Variants in CDK8 observed in about 807,000 individuals in gnomAD.
The protein encoded by CDK8 is cyclin-dependent kinase 8.
A neutral mutation model predicts 71.5 loss-of-function variants in CDK8; 29 were observed. That is an observed-to-expected ratio of 0.41 (90% confidence interval 0.30 to 0.55). CDK8 has a LOEUF of 0.55. Ranked by LOEUF, CDK8 falls within the 20% of genes least tolerant of loss-of-function variation. The pLI is 0.37. For synonymous variants in CDK8, 161 were observed against 192.1 expected, an observed-to-expected ratio of 0.84 and a Z score of 1.34; for missense variants, 288 against 572.6, an observed-to-expected ratio of 0.50 and a Z score of 5.07.
intron 4 of CDK8, among the ~76,000 whole-genome samples, chr13:26,361,275 C>G (rs1565985711): frequency 6.6e-6 from 1 of 152,136 alleles, no homozygotes; most frequent in Non-Finnish European, 1.5e-5. Context: ...ACTTGGAACT[C>G]TTCTATTTCA....
At position 26,373,324 on chromosome 13, in the gene CDK8, A is replaced by G. The variant is rs561296947; in HGVS notation, c.457-9490A>G. Among the ~76,000 whole-genome samples the G allele has an allele frequency of 2.0e-5, 3 of 152,232 alleles. No individual in the cohort carries two copies. In the South Asian group the frequency reaches 6.2e-4, roughly 32 times the overall value. On this transcript the variant is annotated intron_variant, in intron 4 of 12. Coordinates refer to ENST00000381527, the MANE Select transcript of CDK8 (RefSeq NM_001260.3). ...AGATACAGTGTCTGTTTTGTTACCC[A>G]CTATGACATGCCAAGAATGGTACCT...
intron 6 of CDK8, among the ~76,000 whole-genome samples, chr13:26,390,334 A>G (rs146653829): frequency 2.6e-5 from 4 of 152,186 alleles, no homozygotes; most frequent in Non-Finnish European, 5.9e-5. Flanking sequence ...AGGGAAAAAA[A>G]TCTGATCAGA....
At chr13:26,369,448 CA>C (rs1162252506) in intron 4 of CDK8, among the ~76,000 whole-genome samples, 3,069 of 46,634 alleles carry the variant, frequency 0.066, 26 homozygotes, top group African/African-American at 0.16. Context: ...GACCCTGTCT[CA>C]AAAAAAAAAA....
At chr13:26,336,004 T>C (rs1410806445) in intron 1 of CDK8, among the ~76,000 whole-genome samples, 5 of 152,132 alleles carry the variant, frequency 3.3e-5, no homozygotes, top group African/African-American at 1.2e-4. Context: ...AAGACTTGTG[T>C]TGTGGTTCTT....
chr13:26,275,666 T>C (rs1038772520), intron 1 of CDK8, among the ~76,000 whole-genome samples: 1 of 152,252 alleles, frequency 6.6e-6, no homozygotes, highest in East Asian at 1.9e-4. Flanking sequence ...TACTCCAAAG[T>C]AGAGACGGTT....
At chr13:26,378,838 C>T (rs557997750) in intron 4 of CDK8, among the ~76,000 whole-genome samples, 5 of 152,142 alleles carry the variant, frequency 3.3e-5, no homozygotes, top group African/African-American at 9.6e-5. Flanking sequence ...TACTGATAGA[C>T]GAGGAAGAAA....
intron 1 of CDK8, among the ~76,000 whole-genome samples, chr13:26,259,582 T>C (rs1198792530): frequency 6.6e-6 from 1 of 152,172 alleles, no homozygotes; most frequent in African/African-American, 2.4e-5. Context: ...GTATTTGCTG[T>C]GTACTTCTTA....
At chr13:26,320,266 CTG>C (rs1874711970) in intron 1 of CDK8, among the ~76,000 whole-genome samples, 2 of 151,866 alleles carry the variant, frequency 1.3e-5, no homozygotes, top group Admixed American at 1.3e-4. Flanking sequence ...AAAAAAAAGG[CTG>C]TGTGTGGTAG....
At chr13:26,359,608 A>G (rs543954102) in intron 4 of CDK8, 8 of 222,594 alleles carry the variant, frequency 3.6e-5, no homozygotes, top group Non-Finnish European at 6.7e-5. Flanking sequence ...GAGTTAAAAC[A>G]CATGGGCAAG....
intron 2 of CDK8, among the ~76,000 whole-genome samples, chr13:26,340,241 G>A (rs1873185320): frequency 2.0e-5 from 3 of 151,976 alleles, no homozygotes; most frequent in Admixed American, 2.0e-4. Flanking sequence ...TTATCTATGA[G>A]TTATTTCGAA....
At chr13:26,338,258 C>A (rs775442150) in intron 2 of CDK8, among the ~76,000 whole-genome samples, 8 of 152,030 alleles carry the variant, frequency 5.3e-5, no homozygotes, top group Non-Finnish European at 1.2e-4. Flanking sequence ...TGTGTCTTTT[C>A]TGGCTTTACA....
chr13:26,281,460 G>A lies in CDK8; in HGVS notation c.128+26691G>A, dbSNP rs182924505. The stretch of plus-strand genomic sequence containing the variant: ...TGCATCACATCAAGGGACCACCAAC[G>A]TGGTACAAAAGAATCTGAACAACAG... On this transcript the variant is annotated intron_variant, in intron 1 of 12. Coordinates refer to ENST00000381527, the MANE Select transcript of CDK8 (RefSeq NM_001260.3). Among the ~76,000 whole-genome samples the A allele has an allele frequency of 4.8e-5, 7 of 144,336 alleles. No individual in the cohort carries two copies. The East Asian group carries it at 1.2e-3, about 24-fold the overall frequency. The allele number at this position is 144,336 out of a possible 152,430, so 94.7% of individuals were successfully genotyped here.
At chr13:26,265,139 G>GT (rs1187427519) in intron 1 of CDK8, among the ~76,000 whole-genome samples, 3 of 152,114 alleles carry the variant, frequency 2.0e-5, no homozygotes, top group Non-Finnish European at 4.4e-5. Flanking sequence ...TCTATTTTTA[G>GT]TTTTTTGAGA....
intron 2 of CDK8, among the ~76,000 whole-genome samples, chr13:26,340,237 A>G (rs920026404): frequency 5.9e-5 from 9 of 152,136 alleles, no homozygotes; most frequent in African/African-American, 2.2e-4. Flanking sequence ...CCTTTTATCT[A>G]TGAGTTATTT....
chr13:26,298,649 A>T (rs899583972), intron 1 of CDK8, among the ~76,000 whole-genome samples: 12 of 152,138 alleles, frequency 7.9e-5, no homozygotes, highest in African/African-American at 2.9e-4. Context: ...GGATATAGTC[A>T]AAACCCACAG....
At chr13:26,263,953 T>G (rs1871906967) in intron 1 of CDK8, among the ~76,000 whole-genome samples, 1 of 149,308 alleles carries the variant, frequency 6.7e-6, no homozygotes, top group African/African-American at 2.5e-5. Context: ...TTCATCGTGT[T>G]AGCCAGGATG....
intron 1 of CDK8, among the ~76,000 whole-genome samples, chr13:26,302,320 A>G (rs1873859376): frequency 6.6e-6 from 1 of 152,240 alleles, no homozygotes; most frequent in African/African-American, 2.4e-5. Flanking sequence ...TTGGTTTCTT[A>G]TACAATTCAA....
chr13:26,363,327 C>CAACAAAAAAAAAAAA (rs1555232823), intron 4 of CDK8, among the ~76,000 whole-genome samples: 1 of 45,240 alleles, frequency 2.2e-5, no homozygotes, highest in Non-Finnish European at 3.5e-5. Flanking sequence ...GACTCCATCT[C>CAACAAAAAAAAAAAA]AAAAAAAAAA....
In CDK8 at chr13:26,355,067, C is replaced by A. The variant is rs184323484; in HGVS notation, c.456+1187C>A. 4.3e-3 allele frequency among the ~76,000 whole-genome samples: 649 copies of A among 152,290 alleles called. 6 individuals carry two copies. The highest frequency in any genetic ancestry group is 3.5e-3 in the Non-Finnish European group (238 of 68,020). ...ATGAGGCGGAGCCCATCTGGTCTCT[C>A]GCAAAGATGTTCTTCACAAATTTAG... On this transcript the variant is annotated intron_variant, in intron 4 of 12. Coordinates refer to ENST00000381527, the MANE Select transcript of CDK8 (RefSeq NM_001260.3).
Sources: allele counts gnomAD v4.1 joint callset (sites outside exome capture counted in the v4.1 genomes callset), GRCh38; gene constraint gnomAD v4.1.1; transcripts MANE v1.5; gene names NCBI Gene and HGNC (gene_info 2026-07-23, HGNC 2026-07-21).